Variants in FAT3 observed in about 807,000 individuals in gnomAD.
The protein encoded by FAT3 is FAT atypical cadherin 3.
In FAT3, 95 loss-of-function variants were observed where a neutral mutation model predicts 310.2. That is an observed-to-expected ratio of 0.31 (90% CI 0.26 to 0.36). The LOEUF (loss-of-function observed/expected upper bound fraction) is 0.36, where lower values mean the gene tolerates loss of function less well. Ranked by LOEUF, FAT3 falls within the 10% of genes least tolerant of loss-of-function variation. FAT3 has a pLI of 1.00. For synonymous variants in FAT3, 2,314 were observed against 2,192.9 expected (o/e 1.06, Z -1.54); for missense variants, 5,408 against 5,715.6 (o/e 0.95, Z 1.74).
At chr11:92,565,925 A>G (rs571150957) in intron 3 of FAT3, among the ~76,000 whole-genome samples, 2 of 152,084 alleles carry the variant, frequency 1.3e-5, no homozygotes, top group Non-Finnish European at 2.9e-5. Flanking sequence ...ACCACAGCCA[A>G]TATCGTACTG....
At chr11:92,673,050 T>A (rs1943180098) in intron 3 of FAT3, among the ~76,000 whole-genome samples, 1 of 152,232 alleles carries the variant, frequency 6.6e-6, no homozygotes. Flanking sequence ...TTAATAATTC[T>A]TATTCTGTTT....
At position 92,342,673 on chromosome 11, in the gene FAT3, A is replaced by C. The variant is rs1948294753; in HGVS notation, c.-17-9423A>C. On this transcript the variant is annotated intron_variant, in intron 1 of 27. Coordinates refer to ENST00000525166, the MANE Select transcript of FAT3 (RefSeq NM_001367949.2). ...AATGATTTGGCCCCTTTTCTCTTCCAAGCTGTTTTTCCAGAGTAAGTGCTA... is the reference window on the plus strand; with the variant it reads ...AATGATTTGGCCCCTTTTCTCTTCCCAGCTGTTTTTCCAGAGTAAGTGCTA... 2.0e-5 allele frequency among the ~76,000 whole-genome samples: 3 copies of C among 152,096 alleles called. No individual in the cohort carries two copies. The South Asian group carries it at 6.2e-4, about 32-fold the overall frequency.
At chr11:92,882,050 G>A (rs1193678484) in intron 23 of FAT3, among the ~76,000 whole-genome samples, 1 of 152,092 alleles carries the variant, frequency 6.6e-6, no homozygotes, top group Non-Finnish European at 1.5e-5. Context: ...ACCTATAACC[G>A]ATATATAGAT....
At chr11:92,453,679 A>G (rs1951421473) in intron 2 of FAT3, among the ~76,000 whole-genome samples, 1 of 152,188 alleles carries the variant, frequency 6.6e-6, no homozygotes, top group East Asian at 1.9e-4. Context: ...ACAAGATAAA[A>G]TAACTTTTAT....
intron 1 of FAT3, among the ~76,000 whole-genome samples, chr11:92,301,033 A>G (rs963883579): frequency 6.6e-6 from 1 of 152,100 alleles, no homozygotes; most frequent in Non-Finnish European, 1.5e-5. Context: ...CAGATGCTGC[A>G]CAGAAAATGA....
chr11:92,524,915 C>A lies in FAT3; in HGVS notation c.3574C>A (p.Pro1192Thr). ...GACATACAGGATTACAAGTGGAAAT[C>A]CTCAGAATTTTTTTGCCATCAATAT... is the stretch of plus-strand genomic sequence containing the variant. ...KLTYRITSGN[P>T]QNFFAINIKT... The change falls in exon 3 of 28, where the codon CCT (proline) becomes ACT (threonine). Residue 1192 changes from proline to threonine, a missense_variant. Physicochemically the swap from Pro to Thr is conservative, Grantham distance 38. Coordinates refer to ENST00000525166, the MANE Select transcript of FAT3 (RefSeq NM_001367949.2). 6.2e-7 allele frequency: 1 copy of A among 1,613,662 alleles called. No individual in the cohort carries two copies. The highest frequency in any genetic ancestry group is 8.5e-7 in the Non-Finnish European group (1 of 1,179,722).
chr11:92,314,021 G>A (rs1947373456), intron 1 of FAT3, among the ~76,000 whole-genome samples: 2 of 152,218 alleles, frequency 1.3e-5, no homozygotes, highest in African/African-American at 4.8e-5. Flanking sequence ...TTTGCATGCT[G>A]TAGCATTGTT....
chr11:92,783,357 C>CAAAAAA (rs35357267), intron 7 of FAT3, among the ~76,000 whole-genome samples: 5 of 45,034 alleles, frequency 1.1e-4, no homozygotes, highest in South Asian at 1.2e-3. Flanking sequence ...GACTCCATCT[C>CAAAAAA]AAAAAAAAAA....
At chr11:92,371,029 A>G (rs1949172124) in intron 2 of FAT3, among the ~76,000 whole-genome samples, 1 of 152,216 alleles carries the variant, frequency 6.6e-6, no homozygotes, top group African/African-American at 2.4e-5. Context: ...AATTCTAATA[A>G]GATGGATTTC....
At chr11:92,226,916 C>T (rs1863937205) in intron 1 of FAT3, among the ~76,000 whole-genome samples, 1 of 152,158 alleles carries the variant, frequency 6.6e-6, no homozygotes, top group Non-Finnish European at 1.5e-5. Context: ...CGCTCCTCTC[C>T]GCCCCCAGAC....
intron 3 of FAT3, among the ~76,000 whole-genome samples, chr11:92,642,377 A>G (rs927174489): frequency 6.6e-6 from 1 of 152,202 alleles, no homozygotes; most frequent in Non-Finnish European, 1.5e-5. Flanking sequence ...CATCAGACAT[A>G]GAACTGATAC....
chr11:92,232,415 T>C (rs1388891790), intron 1 of FAT3, among the ~76,000 whole-genome samples: 1 of 152,172 alleles, frequency 6.6e-6, no homozygotes, highest in Non-Finnish European at 1.5e-5. Context: ...ATGCCTGGAA[T>C]TGAATATAAT....
At chr11:92,874,715 T>C (rs1949486985) in intron 22 of FAT3, among the ~76,000 whole-genome samples, 1 of 152,170 alleles carries the variant, frequency 6.6e-6, no homozygotes, top group African/African-American at 2.4e-5. Context: ...AATTTTGTAT[T>C]TTTAGTAGAG....
At chr11:92,762,221 G>A (rs1164109640) in intron 5 of FAT3, 51 bp downstream of exon 5, 4 of 1,523,306 alleles carry the variant, frequency 2.6e-6, no homozygotes. Flanking sequence ...AAGTGGTTAT[G>A]TTCTTATTCA....
At chr11:92,464,598 A>G (rs938430932) in intron 2 of FAT3, among the ~76,000 whole-genome samples, 1 of 152,214 alleles carries the variant, frequency 6.6e-6, no homozygotes, top group Non-Finnish European at 1.5e-5. Flanking sequence ...GCATGGGAAC[A>G]GCATAGGAAA....
chr11:92,393,259 C>CAT (rs1804814491), intron 2 of FAT3, among the ~76,000 whole-genome samples: 1 of 151,974 alleles, frequency 6.6e-6, no homozygotes, highest in Non-Finnish European at 1.5e-5. Flanking sequence ...TGTGTGTATG[C>CAT]ACACACACTC....
chr11:92,714,093 C>G (rs984875511), intron 4 of FAT3, among the ~76,000 whole-genome samples: 1 of 152,168 alleles, frequency 6.6e-6, no homozygotes, highest in Non-Finnish European at 1.5e-5. Context: ...TATAAGACTA[C>G]TGCTGTGGTT....
chr11:92,809,238 C>G (rs780411327), intron 12 of FAT3, among the ~76,000 whole-genome samples: 1 of 152,164 alleles, frequency 6.6e-6, no homozygotes, highest in Non-Finnish European at 1.5e-5. Flanking sequence ...CGACTTGACT[C>G]CTCCCCAAGC....
intron 23 of FAT3, among the ~76,000 whole-genome samples, chr11:92,881,893 A>G (rs1428622811): frequency 6.6e-6 from 1 of 152,198 alleles, no homozygotes; most frequent in Non-Finnish European, 1.5e-5. Context: ...AATCTACATG[A>G]GTATTAGCCT....
Sources: gnomAD v4.1 joint callset for allele counts (sites outside exome capture counted in the v4.1 genomes callset) on GRCh38, gnomAD v4.1.1 for gene constraint, MANE v1.5 for transcripts, NCBI Gene and HGNC (gene_info 2026-07-23, HGNC 2026-07-21) for gene names.